The following ZNF185 variants were observed in gnomAD, a reference collection of about 807,000 sequenced individuals.
The protein encoded by ZNF185 is zinc finger protein 185 with LIM domain.
A neutral mutation model predicts 58.6 loss-of-function variants in ZNF185; 56 were observed. The ratio of observed to expected loss-of-function variants is 0.95; its 90% CI spans 0.77 to 1.19. The LOEUF is 1.19. Among genes scored for constraint, ZNF185 ranks in the 50% most tolerant of loss-of-function variants. The pLI is 0.00. For synonymous variants in ZNF185, 230 were observed against 215.9 expected, an observed-to-expected ratio of 1.07 and a Z score of -0.57; for missense variants, 627 against 573.5, an observed-to-expected ratio of 1.09 and a Z score of -0.95.
At chrX:152,922,872 G>A in intron 11 of ZNF185, 63 bp downstream of exon 12, 1 of 1,062,517 alleles carries the variant, frequency 9.4e-7, no homozygotes, top group Non-Finnish European at 1.3e-6. Flanking sequence ...CAGCCTGGCT[G>A]GCTGGTTCTG....
chrX:152,916,220 C>A (rs1406767344), intron 3 of ZNF185, among the ~76,000 whole-genome samples: 1 of 111,668 alleles, frequency 9.0e-6, no homozygotes, highest in Non-Finnish European at 1.9e-5. Flanking sequence ...TGGAGACTAC[C>A]GGAGGCTCTG....
the ZNF185 span, among the ~76,000 whole-genome samples, chrX:152,902,288 G>A: frequency 8.4e-4 from 94 of 112,520 alleles, no homozygotes; most frequent in South Asian, 0.011. Flanking sequence ...TGTAGGCCCA[G>A]CTCGGGCACC....
Position 152,938,064 on chromosome X carries a change from C to G in ZNF185, c.1122-10C>G. 1 of 1,172,397 alleles carries G rather than the reference C, an allele frequency of 8.5e-7. No homozygotes were observed. The highest frequency in any genetic ancestry group is 1.1e-6 in the Non-Finnish European group (1 of 875,115). ...CTGAGATCTCAGCAGGCCTGTGTTT[C>G]CTTCCTCAGCTCCAGTGCCACTTCA... is the stretch of plus-strand genomic sequence containing the variant. On this transcript the variant is annotated splice_polypyrimidine_tract_variant and intron_variant, in intron 14 of 22. Coordinates refer to ENST00000449285, the Ensembl canonical transcript of ZNF185.
chrX:152,962,430 C>T (rs182287001), intron 17 of ZNF185, among the ~76,000 whole-genome samples: 110 of 111,807 alleles, frequency 9.8e-4, no homozygotes, highest in African/African-American at 3.5e-3. Context: ...TCAGTTGCGC[C>T]GTCCCCTTCA....
exon 9 of ZNF185, chrX:152,920,720 G>A (rs1556869066): frequency 8.3e-7 from 1 of 1,212,094 alleles, no homozygotes; most frequent in Non-Finnish European, 1.1e-6. Context: ...TCCTACCCAG[G>A]AGACACAGGC....
chrX:152,963,242 G>A (rs145742526), intron 17 of ZNF185, among the ~76,000 whole-genome samples: 5 of 113,080 alleles, frequency 4.4e-5, no homozygotes, highest in African/African-American at 1.3e-4. Flanking sequence ...TTGGGCTGCC[G>A]AGGAGGTTGG....
chrX:152,911,171 C>T (rs1209974149), upstream of ZNF185, among the ~76,000 whole-genome samples: 1 of 111,491 alleles, frequency 9.0e-6, no homozygotes, highest in African/African-American at 3.3e-5. Context: ...GGGCTGGCCT[C>T]GACGTGCCGG....
At chrX:152,924,145 C>T (rs781937675) in intron 11 of ZNF185, among the ~76,000 whole-genome samples, 36 of 111,479 alleles carry the variant, frequency 3.2e-4, no homozygotes, top group African/African-American at 1.1e-3. Flanking sequence ...GACAGAGTCT[C>T]ACTCCGTCGC....
chrX:152,936,566 T>G, intron 14 of ZNF185, 53 bp downstream of exon 16: 2 of 1,066,294 alleles, frequency 1.9e-6, no homozygotes, highest in Non-Finnish European at 2.5e-6. Context: ...GACACAGCCT[T>G]TGGGGCCCAG....
intron 14 of ZNF185, among the ~76,000 whole-genome samples, chrX:152,935,397 G>A (rs950199283): frequency 1.8e-5 from 2 of 109,181 alleles, no homozygotes; most frequent in African/African-American, 6.7e-5. Flanking sequence ...CACCACGCCC[G>A]GCTAATTTTT....
intron 20 of ZNF185, 148 bp downstream of exon 22, chrX:152,967,386 G>C (rs936117454): frequency 3.8e-6 from 2 of 521,581 alleles, no homozygotes; most frequent in African/African-American, 4.7e-5. Flanking sequence ...CCGTAGGGTG[G>C]TGCTTCCCTT....
At chrX:152,916,123 C>T (rs1938411242) in intron 3 of ZNF185, among the ~76,000 whole-genome samples, 1 of 111,883 alleles carries the variant, frequency 8.9e-6, no homozygotes, top group South Asian at 3.7e-4. Context: ...GTAAACAGTT[C>T]AATACAAAAG....
chrX:152,915,886 CAG>C (rs1384583944), intron 3 of ZNF185, among the ~76,000 whole-genome samples: 3 of 112,154 alleles, frequency 2.7e-5, no homozygotes, highest in Non-Finnish European at 3.8e-5. Flanking sequence ...GGCGGCTTCT[CAG>C]GGGGTGGTAG....
chrX:152,961,009 G>A (rs994003444), intron 17 of ZNF185, among the ~76,000 whole-genome samples: 3 of 112,272 alleles, frequency 2.7e-5, no homozygotes, highest in Admixed American at 9.4e-5. Flanking sequence ...CTTCCAGTTC[G>A]AGGCAGGACT....
upstream of ZNF185, among the ~76,000 whole-genome samples, chrX:152,912,627 G>A (rs183255266): frequency 4.5e-5 from 5 of 111,844 alleles, no homozygotes; most frequent in East Asian, 1.1e-3. Context: ...GTACGTCTTT[G>A]AGGTGCCCAG....
the ZNF185 span, among the ~76,000 whole-genome samples, chrX:152,907,704 C>T: frequency 2.7e-5 from 3 of 112,888 alleles, no homozygotes; most frequent in African/African-American, 6.4e-5. Context: ...TGCCTGAGTA[C>T]GGGGCTTTGC....
At chrX:152,935,828 T>C (rs2046217512) in intron 14 of ZNF185, among the ~76,000 whole-genome samples, 1 of 111,937 alleles carries the variant, frequency 8.9e-6, no homozygotes, top group African/African-American at 3.3e-5. Context: ...CACAGGCTTG[T>C]ATAGGCAGTG....
intron 21 of ZNF185, among the ~76,000 whole-genome samples, chrX:152,970,075 T>G (rs2050529107): frequency 9.0e-6 from 1 of 111,115 alleles, no homozygotes; most frequent in Non-Finnish European, 1.9e-5. Flanking sequence ...TTGCTCCTGG[T>G]TAAGTAAGTG....
chrX:152,941,395 T>G (rs1226556827), intron 15 of ZNF185, among the ~76,000 whole-genome samples: 1 of 112,192 alleles, frequency 8.9e-6, no homozygotes, highest in African/African-American at 3.2e-5. Flanking sequence ...GGGTTCAAAA[T>G]GGTAATAGTG....
Sources: gnomAD v4.1 joint callset for allele counts (sites outside exome capture counted in the v4.1 genomes callset) on GRCh38, gnomAD v4.1.1 for gene constraint, MANE v1.5 for transcripts, NCBI Gene and HGNC (gene_info 2026-07-23, HGNC 2026-07-21) for gene names.